MAST4: variants seen among roughly 807,000 people sequenced by gnomAD.
MAST4 encodes microtubule-associated serine/threonine-protein kinase 4.
A neutral mutation model predicts 162.7 loss-of-function variants in MAST4; 89 were observed. That is an observed-to-expected ratio of 0.55 (90% CI 0.46 to 0.65). The LOEUF is 0.65. MAST4 is among the 30% of genes least tolerant of loss of function. The pLI is 0.00. For synonymous variants in MAST4, 1,479 were observed against 1,361.1 expected, an observed-to-expected ratio of 1.09 and a Z score of -1.91; for missense variants, 3,153 against 3,374.0, an observed-to-expected ratio of 0.93 and a Z score of 1.62.
intron 3 of MAST4, among the ~76,000 whole-genome samples, chr5:66,812,167 T>G (rs1372388557): frequency 6.6e-6 from 1 of 152,168 alleles, no homozygotes; most frequent in Non-Finnish European, 1.5e-5. Context: ...CACACAGCCA[T>G]TGGGTACAGA....
In MAST4 at chr5:67,163,312, C is replaced by T; in HGVS notation, c.4133C>T (p.Pro1378Leu). ...TCCGCCGGCAACATCCCACTGTCCC[C>T]GCTGGCCCGGACGCCCTCTCCAACC... ...RKSAGNIPLS[P>L]LARTPSPTPQ... The change falls in exon 29 of 29, where the codon CCG becomes CTG. Residue 1378 changes from proline to leucine, a missense_variant. Coordinates refer to ENST00000403625, the MANE Select transcript of MAST4 (RefSeq NM_001164664.2). This position sits in a 1 kb window ranked among gnomAD's most constrained non-coding sequence, Gnocchi z 7.0. 2 of 1,613,128 alleles carry T rather than the reference C, an allele frequency of 1.2e-6. No individual in the cohort carries two copies. Among genetic ancestry groups the T allele is most frequent in the African/African-American group, 1.3e-5 (1 of 75,050 alleles).
intron 1 of MAST4, among the ~76,000 whole-genome samples, chr5:66,706,197 C>G (rs1268593519): frequency 6.6e-6 from 1 of 152,136 alleles, no homozygotes; most frequent in African/African-American, 2.4e-5. Context: ...TATTGCCATA[C>G]TATCCCCCAA....
intron 4 of MAST4, among the ~76,000 whole-genome samples, chr5:67,041,149 G>A (rs1327183409): frequency 2.0e-5 from 3 of 152,196 alleles, no homozygotes; most frequent in African/African-American, 4.8e-5. Context: ...TGGTAGCAGA[G>A]CAAGATTGGG....
intron 3 of MAST4, among the ~76,000 whole-genome samples, chr5:66,875,411 G>A (rs188455792): frequency 2.0e-5 from 3 of 152,272 alleles, no homozygotes; most frequent in Admixed American, 6.5e-5. Context: ...ACTAAAATGA[G>A]CATGAATCTC....
intron 12 of MAST4, among the ~76,000 whole-genome samples, chr5:67,117,676 A>G (rs1767079547): frequency 6.6e-6 from 1 of 152,076 alleles, no homozygotes; most frequent in Non-Finnish European, 1.5e-5. Flanking sequence ...AATATTAATT[A>G]TCTGTGATCC....
chr5:67,083,775 C>G (rs1204093472), intron 5 of MAST4, among the ~76,000 whole-genome samples: 1 of 152,106 alleles, frequency 6.6e-6, no homozygotes, highest in African/African-American at 2.4e-5. Context: ...TATGTTCTTA[C>G]CTCCCTTCCT....
chr5:66,755,974 A>G (rs1332228217), intron 1 of MAST4, among the ~76,000 whole-genome samples: 1 of 152,230 alleles, frequency 6.6e-6, no homozygotes, highest in Non-Finnish European at 1.5e-5. Flanking sequence ...AAATCTAGGT[A>G]TAGAATTCTG....
chr5:66,682,542 A>G (rs1050600912), intron 1 of MAST4, among the ~76,000 whole-genome samples: 6 of 152,200 alleles, frequency 3.9e-5, no homozygotes, highest in African/African-American at 1.4e-4. Flanking sequence ...AACTGGGAAA[A>G]GAGGACAGTA....
chr5:66,609,706 T>TC (rs1561210740), intron 1 of MAST4, among the ~76,000 whole-genome samples: 1 of 85,820 alleles, frequency 1.2e-5, no homozygotes, highest in Non-Finnish European at 2.3e-5. Flanking sequence ...TTTTTTTTTG[T>TC]TTTTTTTTTT....
chr5:67,060,176 T>C (rs1484943920), intron 5 of MAST4, among the ~76,000 whole-genome samples: 2 of 152,210 alleles, frequency 1.3e-5, no homozygotes, highest in Non-Finnish European at 2.9e-5. Flanking sequence ...AGTCTCTTTT[T>C]GAGCCATACA....
intron 3 of MAST4, among the ~76,000 whole-genome samples, chr5:66,865,920 C>T (rs576089279): frequency 1.5e-4 from 23 of 151,852 alleles, no homozygotes; most frequent in Admixed American, 4.6e-4. Flanking sequence ...ACCAAAAATA[C>T]GAAAATTAAC....
At chr5:66,789,889 G>A (rs1044141221) in intron 3 of MAST4, 11 of 428,680 alleles carry the variant, frequency 2.6e-5, no homozygotes, top group Non-Finnish European at 5.1e-5. Context: ...TCCAACTTCA[G>A]CACTCTCCAT....
intron 3 of MAST4, among the ~76,000 whole-genome samples, chr5:66,809,769 C>T (rs1756388108): frequency 6.6e-6 from 1 of 152,160 alleles, no homozygotes; most frequent in South Asian, 2.1e-4. Flanking sequence ...CAGAGTCTTG[C>T]TCTGTCGCCA....
chr5:67,158,393 A>G (rs1194271503), intron 26 of MAST4, among the ~76,000 whole-genome samples: 1 of 152,108 alleles, frequency 6.6e-6, no homozygotes, highest in Admixed American at 6.6e-5. Context: ...TAGGTATGAA[A>G]GTATATTGTC....
intron 3 of MAST4, among the ~76,000 whole-genome samples, chr5:66,820,846 T>C (rs1561354167): frequency 6.6e-6 from 1 of 152,192 alleles, no homozygotes; most frequent in Non-Finnish European, 1.5e-5. Context: ...TGTCATATTG[T>C]CAGTAGTGAT....
chr5:67,071,487 T>C (rs1760979833), intron 5 of MAST4, among the ~76,000 whole-genome samples: 1 of 151,566 alleles, frequency 6.6e-6, no homozygotes, highest in Non-Finnish European at 1.5e-5. Context: ...GCGTGGTGGC[T>C]CACGCCTGTA....
chr5:66,619,327 T>C (rs1414574322), intron 1 of MAST4, among the ~76,000 whole-genome samples: 4 of 152,180 alleles, frequency 2.6e-5, no homozygotes, highest in Non-Finnish European at 5.9e-5. Context: ...CCAGGGCATA[T>C]GTATTTCACT....
At chr5:66,906,943 G>T (rs1190332059) in intron 4 of MAST4, among the ~76,000 whole-genome samples, 1 of 152,138 alleles carries the variant, frequency 6.6e-6, no homozygotes, top group African/African-American at 2.4e-5. Context: ...CAAAGCAGGG[G>T]AACTTGATGG....
intron 3 of MAST4, among the ~76,000 whole-genome samples, chr5:66,890,979 T>C (rs1762326881): frequency 6.6e-6 from 1 of 152,168 alleles, no homozygotes; most frequent in African/African-American, 2.4e-5. Flanking sequence ...GAAAGACAGT[T>C]CCCACTATTT....
Sources: allele counts gnomAD v4.1 joint callset (sites outside exome capture counted in the v4.1 genomes callset), GRCh38; gene constraint gnomAD v4.1.1; non-coding constraint Gnocchi (gnomAD v3.1); transcripts MANE v1.5; gene names NCBI Gene and HGNC (gene_info 2026-07-23, HGNC 2026-07-21).